The following MMD2 variants were observed in gnomAD, a reference collection of about 807,000 sequenced individuals.
The protein encoded by MMD2 is monocyte to macrophage differentiation factor 2.
A neutral mutation model predicts 33.5 loss-of-function variants in MMD2; 30 were observed. The ratio of observed to expected loss-of-function variants is 0.90; its 90% CI spans 0.67 to 1.22. MMD2 has a LOEUF of 1.22. MMD2 is among the 50% of genes most tolerant of loss of function. MMD2 has a pLI of 0.00. For synonymous variants in MMD2, 129 were observed against 123.0 expected (o/e 1.05, Z -0.32); for missense variants, 364 against 325.4 (o/e 1.12, Z -0.91).
chr7:4,931,296 C>T (rs1228168610), intron 1 of MMD2, among the ~76,000 whole-genome samples: 1 of 151,926 alleles, frequency 6.6e-6, no homozygotes, highest in Non-Finnish European at 1.5e-5. Flanking sequence ...CAGGTGCACA[C>T]CACCACACCC....
chr7:4,895,061 C>T, the MMD2 span, among the ~76,000 whole-genome samples: 3 of 149,658 alleles, frequency 2.0e-5, no homozygotes, highest in Non-Finnish European at 4.4e-5. Flanking sequence ...TCCCCGACTG[C>T]TTGCATCAGC....
the MMD2 span, among the ~76,000 whole-genome samples, chr7:4,895,755 C>T: frequency 4.0e-5 from 6 of 151,850 alleles, no homozygotes; most frequent in African/African-American, 1.2e-4. Context: ...AGGTTGGTCT[C>T]GAACTCCTGA....
chr7:4,928,552 A>G (rs1268771624), intron 1 of MMD2, among the ~76,000 whole-genome samples: 2 of 151,694 alleles, frequency 1.3e-5, no homozygotes, highest in Non-Finnish European at 2.9e-5. Context: ...TGGAGCACTT[A>G]TTAGGCAGGT....
chr7:4,896,175 T>C, the MMD2 span, among the ~76,000 whole-genome samples: 1 of 152,098 alleles, frequency 6.6e-6, no homozygotes, highest in Admixed American at 6.6e-5. Context: ...AGGGCCTTGC[T>C]CTCCTGTCTC....
intron 1 of MMD2, among the ~76,000 whole-genome samples, chr7:4,943,426 C>T (rs180794007): frequency 2.6e-4 from 40 of 152,142 alleles, no homozygotes; most frequent in African/African-American, 8.2e-4. Flanking sequence ...TACAGGCGTG[C>T]GCCACCGTGC....
At chr7:4,935,555 T>C (rs1307323671) in intron 1 of MMD2, among the ~76,000 whole-genome samples, 1 of 151,064 alleles carries the variant, frequency 6.6e-6, no homozygotes, top group Non-Finnish European at 1.5e-5. Flanking sequence ...CATGCATCTA[T>C]ACTCCCAACT....
Position 4,906,184 on chromosome 7 carries a change from T to C in MMD2, c.*1212A>G. ...ATTCTTTATCCAGAGAATCTGAGAT[T>C]CCAATTCAGATCCTGGAGCTGGGCC... On this transcript the variant is annotated 3_prime_UTR_variant, in exon 7 of 7. Coordinates refer to ENST00000401401, the MANE Select transcript of MMD2 (RefSeq NM_198403.4). 1 of 289,428 alleles carries C rather than the reference T, an allele frequency of 3.5e-6. No homozygotes were observed. Among genetic ancestry groups the C allele is most frequent in the Non-Finnish European group, 6.4e-6 (1 of 156,732 alleles). 17.9% of individuals were successfully genotyped at this position (289,428 alleles called of 1,614,324 possible). A position where few individuals can be genotyped will look rare whatever the true frequency, so the allele number is the denominator to read the frequency against.
At chr7:4,921,492 G>A (rs183257669) in intron 2 of MMD2, among the ~76,000 whole-genome samples, 41 of 151,846 alleles carry the variant, frequency 2.7e-4, no homozygotes, top group Non-Finnish European at 3.8e-4. Flanking sequence ...ATGGTGGTGC[G>A]CACCTGTAAT....
At chr7:4,898,444 T>C in the MMD2 span, among the ~76,000 whole-genome samples, 1 of 152,208 alleles carries the variant, frequency 6.6e-6, no homozygotes, top group African/African-American at 2.4e-5. Flanking sequence ...TAACATCATT[T>C]GGTGGGTTGC....
chr7:4,907,632 A>C (rs1229124409), intron 6 of MMD2, 33 bp from the exon 7 acceptor site: 11 of 1,607,456 alleles, frequency 6.8e-6, no homozygotes, highest in Non-Finnish European at 7.7e-6. Flanking sequence ...GGCACAGGTC[A>C]GAGGGGCAGT....
chr7:4,932,276 G>A (rs1336123442), intron 1 of MMD2, among the ~76,000 whole-genome samples: 7 of 152,126 alleles, frequency 4.6e-5, no homozygotes, highest in African/African-American at 1.2e-4. Context: ...GTGGGCAAAC[G>A]ACCAAGAAAC....
chr7:4,908,898 A>G (rs1377936450), intron 6 of MMD2, among the ~76,000 whole-genome samples: 1 of 127,076 alleles, frequency 7.9e-6, no homozygotes, highest in Non-Finnish European at 1.7e-5. Context: ...CTCCATCTCA[A>G]AAAAAAAAAA....
At chr7:4,950,193 G>T (rs1786203123) in intron 1 of MMD2, among the ~76,000 whole-genome samples, 1 of 151,818 alleles carries the variant, frequency 6.6e-6, no homozygotes, top group Non-Finnish European at 1.5e-5. Flanking sequence ...CCACCTCCTG[G>T]GTTCAAGCGA....
At chr7:4,939,502 C>A (rs1038260993) in intron 1 of MMD2, among the ~76,000 whole-genome samples, 2 of 152,120 alleles carry the variant, frequency 1.3e-5, no homozygotes, top group African/African-American at 2.4e-5. Flanking sequence ...ATGATCATGT[C>A]ACTGCACTCC....
At chr7:4,904,104 T>C (rs1182966074), downstream of MMD2, among the ~76,000 whole-genome samples, 1 of 152,194 alleles carries the variant, frequency 6.6e-6, no homozygotes, top group Non-Finnish European at 1.5e-5. Flanking sequence ...GGCTACTTTT[T>C]GTATTTTTAG....
At chr7:4,915,442 T>A (rs976546435) in intron 4 of MMD2, among the ~76,000 whole-genome samples, 5 of 151,816 alleles carry the variant, frequency 3.3e-5, no homozygotes, top group African/African-American at 9.7e-5. Context: ...ATGTACATAT[T>A]AATATTTGCT....
At chr7:4,914,379 C>A (rs142918534) in intron 4 of MMD2, among the ~76,000 whole-genome samples, 2 of 152,274 alleles carry the variant, frequency 1.3e-5, no homozygotes, top group African/African-American at 4.8e-5. Context: ...TTTACTTTTT[C>A]AGTCTCAATG....
the MMD2 span, among the ~76,000 whole-genome samples, chr7:4,900,616 G>A: frequency 1.1e-4 from 17 of 152,008 alleles, no homozygotes; most frequent in Non-Finnish European, 2.9e-5. Context: ...TACCTTCCAT[G>A]ACTCCTCACC....
At chr7:4,958,404 G>C (rs1786447113) in intron 1 of MMD2, among the ~76,000 whole-genome samples, 1 of 152,134 alleles carries the variant, frequency 6.6e-6, no homozygotes, top group Non-Finnish European at 1.5e-5. Context: ...CGGAGGTTCT[G>C]AGGGGACCAC....
Sources: gnomAD v4.1 joint callset for allele counts (sites outside exome capture counted in the v4.1 genomes callset) on GRCh38, gnomAD v4.1.1 for gene constraint, MANE v1.5 for transcripts, NCBI Gene and HGNC (gene_info 2026-07-23, HGNC 2026-07-21) for gene names.